KIF2A: variants seen among roughly 807,000 people sequenced by gnomAD.
KIF2A encodes kinesin family member 2A, also known as kinesin-like protein KIF2A.
A neutral mutation model predicts 100.2 loss-of-function variants in KIF2A; 22 were observed. That is an observed-to-expected ratio of 0.22 (90% CI 0.16 to 0.31). KIF2A has a LOEUF of 0.31. Among genes scored for constraint, KIF2A ranks in the 10% least tolerant of loss-of-function variants. The pLI is 1.00. For synonymous variants in KIF2A, 268 were observed against 285.9 expected (o/e 0.94, Z 0.63); for missense variants, 495 against 898.7 (o/e 0.55, Z 5.74).
At chr5:62,370,761 A>C (rs1380268047) in intron 16 of KIF2A, among the ~76,000 whole-genome samples, 2 of 152,156 alleles carry the variant, frequency 1.3e-5, no homozygotes, top group African/African-American at 4.8e-5. Flanking sequence ...GGTTAGAGTG[A>C]TTGGGTCTTG....
At chr5:62,365,378 T>A in intron 15 of KIF2A, 25 bp downstream of exon 15, 1 of 1,224,248 alleles carries the variant, frequency 8.2e-7, no homozygotes, top group Non-Finnish European at 1.2e-6. Context: ...ATTTTTTGTT[T>A]GTTTTATTTT....
At chr5:62,361,155 T>A (rs1748385606) in intron 9 of KIF2A, 87 bp from the exon 10 acceptor site, 3 of 576,762 alleles carry the variant, frequency 5.2e-6, no homozygotes, top group Non-Finnish European at 5.8e-6. Flanking sequence ...GTTTTATTTA[T>A]TAATAAAATA....
intron 1 of KIF2A, among the ~76,000 whole-genome samples, chr5:62,324,500 A>G (rs1357147380): frequency 1.3e-5 from 2 of 152,244 alleles, no homozygotes; most frequent in Non-Finnish European, 2.9e-5. Context: ...CGGTACCGAT[A>G]TAAAAACAGA....
At position 62,306,456 on chromosome 5, in the gene KIF2A, C is replaced by A; in HGVS notation, c.-17C>A. On this transcript the variant is annotated 5_prime_UTR_variant, in exon 1 of 21. In the 5' UTR this introduces an upstream ATG that the reference lacks. Coordinates refer to ENST00000407818, the MANE Select transcript of KIF2A (RefSeq NM_001098511.3). ...GTCCCCCTCCCTCGGCCCGCTGCTG[C>A]TGCTCCAGATGAGGTGATGGCAACG... is the stretch of plus-strand genomic sequence containing the variant. The A allele has an allele frequency of 6.5e-7, 1 of 1,528,446 alleles. No homozygotes were observed. Among genetic ancestry groups the A allele is most frequent in the Non-Finnish European group, 8.8e-7 (1 of 1,135,516 alleles). The allele number at this position is 1,528,446 out of a possible 1,614,324, so 94.7% of individuals were successfully genotyped here.
chr5:62,309,439 T>C (rs902056866), intron 1 of KIF2A, among the ~76,000 whole-genome samples: 3 of 152,334 alleles, frequency 2.0e-5, no homozygotes, highest in Admixed American at 2.0e-4. Context: ...AGAAGGATCA[T>C]TTGCATTGGA....
intron 14 of KIF2A, among the ~76,000 whole-genome samples, chr5:62,364,382 G>A (rs887815828): frequency 3.9e-5 from 6 of 152,024 alleles, no homozygotes; most frequent in African/African-American, 1.2e-4. Context: ...TTCTGACCTC[G>A]TGATCTACCC....
intron 1 of KIF2A, chr5:62,308,191 G>T (rs1039894047): frequency 2.3e-5 from 10 of 428,092 alleles, no homozygotes; most frequent in African/African-American, 2.0e-4. Context: ...TAGAGCTTTA[G>T]AAATTACCAA....
Position 62,306,415 on chromosome 5 carries a change from C to G in KIF2A, c.-58C>G, listed in dbSNP as rs1745272003. The G allele has an allele frequency of 1.5e-6, 2 of 1,314,164 alleles. No homozygotes were observed. The highest frequency in any genetic ancestry group is 3.0e-5 in the African/African-American group (2 of 66,696). The allele number at this position is 1,314,164 out of a possible 1,614,324, so 81.4% of individuals were successfully genotyped here. A position where few individuals can be genotyped will look rare whatever the true frequency, so the allele number is the denominator to read the frequency against. On this transcript the variant is annotated 5_prime_UTR_variant, in exon 1 of 21. Transcript: ENST00000407818. ...CCACACCTACCCCGCCCCCTCCCCG[C>G]CTTTTCCGCCCTCCGGTCCCCCTCC...
intron 1 of KIF2A, among the ~76,000 whole-genome samples, chr5:62,338,516 C>T (rs1454153069): frequency 6.6e-6 from 1 of 152,054 alleles, no homozygotes; most frequent in Non-Finnish European, 1.5e-5. Context: ...TCTCAAACTC[C>T]TAATCTCAAG....
chr5:62,364,224 C>G (rs1287640157), intron 14 of KIF2A, among the ~76,000 whole-genome samples: 1 of 151,740 alleles, frequency 6.6e-6, no homozygotes, highest in Admixed American at 6.6e-5. Context: ...CTCGGCTCAC[C>G]GCAACCTCCA....
At chr5:62,333,377 G>A (rs264527) in intron 1 of KIF2A, among the ~76,000 whole-genome samples, 4,933 of 152,280 alleles carry the variant, frequency 0.032, 104 homozygotes, top group Non-Finnish European at 0.05. Flanking sequence ...AGGATGCTGG[G>A]AGGTGTTGAG....
In KIF2A at chr5:62,388,297, A is replaced by C. The variant is rs1742131576; in HGVS notation, c.*2728A>C. 1 of 152,072 alleles carries C rather than the reference A, an allele frequency of 6.6e-6. No individual in the cohort carries two copies. The highest frequency in any genetic ancestry group is 1.5e-5 in the Non-Finnish European group (1 of 68,014). 9.4% of individuals were successfully genotyped at this position (152,072 alleles called of 1,614,324 possible). A position where few individuals can be genotyped will look rare whatever the true frequency, so the allele number is the denominator to read the frequency against. On this transcript the variant is annotated 3_prime_UTR_variant, in exon 21 of 21. Transcript: ENST00000407818. ...CTATAGTTATCTCCCTAAGAACCAT[A>C]AAAAAAGATAATTTTATTGTTAATT...
At chr5:62,384,638 T>G (rs1172723758) in intron 20 of KIF2A, among the ~76,000 whole-genome samples, 1 of 152,232 alleles carries the variant, frequency 6.6e-6, no homozygotes, top group South Asian at 2.1e-4. Flanking sequence ...ATAGCTTATC[T>G]TCACAGCTGC....
At chr5:62,319,992 T>C (rs1413715831) in intron 1 of KIF2A, among the ~76,000 whole-genome samples, 1 of 152,184 alleles carries the variant, frequency 6.6e-6, no homozygotes, top group Non-Finnish European at 1.5e-5. Context: ...TAGCTTCTTA[T>C]ATTTGTAGAG....
At chr5:62,356,265 A>G (rs1351257200) in intron 7 of KIF2A, among the ~76,000 whole-genome samples, 6 of 152,224 alleles carry the variant, frequency 3.9e-5, no homozygotes, top group African/African-American at 9.6e-5. Flanking sequence ...AGGCCTTGCT[A>G]TTCCTTCATG....
rs11378518 is a variant in KIF2A, at chr5:62,328,320, GT to G, written c.65-18796del. ...GAAGTGTTATTTCTAGTACTGTGTGGTTTTTTTTTTTTTTACATTGTTACTA... is the reference window on the plus strand; with the variant it reads ...GAAGTGTTATTTCTAGTACTGTGTGGTTTTTTTTTTTTTACATTGTTACTA... On this transcript the variant is annotated intron_variant, in intron 1 of 20. Coordinates refer to ENST00000407818, the MANE Select transcript of KIF2A (RefSeq NM_001098511.3). 1.9e-3 allele frequency among the ~76,000 whole-genome samples: 272 copies of G among 144,318 alleles called. 2 individuals carry two copies. Among genetic ancestry groups the G allele is most frequent in the African/African-American group, 6.0e-3 (236 of 39,632 alleles). 94.7% of individuals were successfully genotyped at this position (144,318 alleles called of 152,430 possible).
chr5:62,387,557 TA>T lies in KIF2A; in HGVS notation c.*1990del, dbSNP rs1742093725. The T allele has an allele frequency of 6.6e-6, 1 of 151,914 alleles. No individual in the cohort carries two copies. The highest frequency in any genetic ancestry group is 1.5e-5 in the Non-Finnish European group (1 of 67,972). The allele number at this position is 151,914 out of a possible 1,614,324, so 9.4% of individuals were successfully genotyped here. A position where few individuals can be genotyped will look rare whatever the true frequency, so the allele number is the denominator to read the frequency against. ...TTAGTACCAGAAAAGATACTGGAGGTAATATAATACAGTCCTTCAGCTTTAC... is the reference window on the plus strand; with the variant it reads ...TTAGTACCAGAAAAGATACTGGAGGTATATAATACAGTCCTTCAGCTTTAC... On this transcript the variant is annotated 3_prime_UTR_variant, in exon 21 of 21. Coordinates refer to ENST00000407818, the MANE Select transcript of KIF2A (RefSeq NM_001098511.3).
intron 1 of KIF2A, among the ~76,000 whole-genome samples, chr5:62,337,417 G>A (rs1229095401): frequency 1.3e-5 from 2 of 150,754 alleles, no homozygotes; most frequent in Non-Finnish European, 3.0e-5. Flanking sequence ...ACTTGAACCT[G>A]GGAGGCAGAG....
rs563220239 is a variant in KIF2A, at chr5:62,323,337, C to T, written c.64+16801C>T. On this transcript the variant is annotated intron_variant, in intron 1 of 20. Coordinates refer to ENST00000407818, the MANE Select transcript of KIF2A (RefSeq NM_001098511.3). ...AAAAGGAGAATGTTAATCGAGACCA[C>T]GTTGAAACCCTGTCTCTACTAAAAA... is the stretch of plus-strand genomic sequence containing the variant. Among the ~76,000 whole-genome samples the T allele has an allele frequency of 2.6e-5, 4 of 150,974 alleles. No homozygotes were observed. In the East Asian group the frequency reaches 7.8e-4, roughly 29 times the overall value.
Sources: gnomAD v4.1 joint callset for allele counts (sites outside exome capture counted in the v4.1 genomes callset) on GRCh38, gnomAD v4.1.1 for gene constraint, MANE v1.5 for transcripts, NCBI Gene and HGNC (gene_info 2026-07-23, HGNC 2026-07-21) for gene names.